EPHB1: variants seen among roughly 807,000 people sequenced by gnomAD.
EPHB1 encodes ephrin type-B receptor 1.
EPHB1 carries 30 observed loss-of-function variants against 94.4 expected under a neutral mutation model. That is an observed-to-expected ratio of 0.32 (90% CI 0.24 to 0.43). The LOEUF (loss-of-function observed/expected upper bound fraction) is 0.43. Among genes scored for constraint, EPHB1 ranks in the 20% least tolerant of loss-of-function variants. The probability of loss-of-function intolerance (pLI) is 1.00; values close to 1 mark genes in which losing one functional copy is unlikely to be tolerated. For synonymous variants in EPHB1, 522 were observed against 489.1 expected, an observed-to-expected ratio of 1.07 and a Z score of -0.89; for missense variants, 1,055 against 1,308.3, an observed-to-expected ratio of 0.81 and a Z score of 2.99.
chr3:134,812,349 A>T lies in EPHB1; in HGVS notation c.58+16660A>T, dbSNP rs192669792. ...TATTGTTTTGCTTTTCTAAAAGCTCATAGAAATGGAATCATAGAGTATGTG... is the reference window on the plus strand; with the variant it reads ...TATTGTTTTGCTTTTCTAAAAGCTCTTAGAAATGGAATCATAGAGTATGTG... On this transcript the variant is annotated intron_variant, in intron 1 of 15. Coordinates refer to ENST00000398015, the MANE Select transcript of EPHB1 (RefSeq NM_004441.5). Among the ~76,000 whole-genome samples the T allele has an allele frequency of 5.0e-3, 769 of 152,336 alleles. 8 individuals carry two copies. Among genetic ancestry groups the T allele is most frequent in the Non-Finnish European group, 7.3e-3 (497 of 68,028 alleles).
intron 3 of EPHB1, among the ~76,000 whole-genome samples, chr3:135,044,840 T>C (rs1033462507): frequency 1.3e-5 from 2 of 152,222 alleles, no homozygotes; most frequent in African/African-American, 4.8e-5. Context: ...TGAGTATTCC[T>C]AGCTGATGCA....
intron 3 of EPHB1, among the ~76,000 whole-genome samples, chr3:135,076,198 C>T (rs1004069452): frequency 7.0e-5 from 10 of 142,096 alleles, no homozygotes; most frequent in South Asian, 2.2e-4. Context: ...AAATTGGATT[C>T]GAGAAAAATA....
intron 10 of EPHB1, among the ~76,000 whole-genome samples, chr3:135,183,872 A>C (rs1425697420): frequency 6.6e-6 from 1 of 152,230 alleles, no homozygotes; most frequent in Non-Finnish European, 1.5e-5. Flanking sequence ...ATTTTATCCC[A>C]TAGAAAATAG....
chr3:135,104,327 G>T (rs1395509266), intron 3 of EPHB1, among the ~76,000 whole-genome samples: 1 of 152,252 alleles, frequency 6.6e-6, no homozygotes, highest in Non-Finnish European at 1.5e-5. Flanking sequence ...AGTGGGCTGG[G>T]AAAGATGGAT....
At chr3:135,216,726 GAAA>G (rs386397987) in intron 12 of EPHB1, among the ~76,000 whole-genome samples, 4,534 of 104,952 alleles carry the variant, frequency 0.043, 111 homozygotes, top group African/African-American at 0.079. Flanking sequence ...CTGTCTCAGG[GAAA>G]AAAAAAAAAA....
chr3:135,176,189 G>A (rs116335570), intron 9 of EPHB1, among the ~76,000 whole-genome samples: 240 of 152,130 alleles, frequency 1.6e-3, no homozygotes, highest in Admixed American at 2.6e-3. Flanking sequence ...TCACTCTCCT[G>A]ATTTAGAACA....
chr3:135,206,830 C>A (rs557780627), intron 12 of EPHB1, among the ~76,000 whole-genome samples: 1 of 151,974 alleles, frequency 6.6e-6, no homozygotes, highest in African/African-American at 2.4e-5. Context: ...GCCTGGGCAA[C>A]AAGAGGGGAG....
chr3:134,843,352 A>G (rs904570729), intron 1 of EPHB1, among the ~76,000 whole-genome samples: 3 of 152,180 alleles, frequency 2.0e-5, no homozygotes, highest in African/African-American at 7.2e-5. Context: ...TGATGTATCT[A>G]GTTGGGAATC....
At chr3:134,889,819 C>G (rs929552273) in intron 1 of EPHB1, among the ~76,000 whole-genome samples, 23 of 151,800 alleles carry the variant, frequency 1.5e-4, no homozygotes, top group African/African-American at 5.3e-4. Context: ...CTGGGACTAC[C>G]GGTGCCCGCC....
chr3:134,981,622 CT>C (rs1235866389), intron 3 of EPHB1, among the ~76,000 whole-genome samples: 35 of 152,302 alleles, frequency 2.3e-4, no homozygotes, highest in African/African-American at 7.9e-4. Context: ...TGCTGTCATT[CT>C]TTTTTTCTTC....
intron 13 of EPHB1, among the ~76,000 whole-genome samples, chr3:135,243,868 A>G (rs1205058497): frequency 1.3e-5 from 2 of 152,164 alleles, no homozygotes; most frequent in Non-Finnish European, 2.9e-5. Flanking sequence ...TGAGAGTGGC[A>G]GTGTCTGTGG....
At chr3:134,843,503 T>C (rs2108297174) in intron 1 of EPHB1, among the ~76,000 whole-genome samples, 1 of 152,310 alleles carries the variant, frequency 6.6e-6, no homozygotes, top group South Asian at 2.1e-4. Context: ...CTGGAAGTTT[T>C]TTTATCACAT....
At chr3:134,977,916 T>C in intron 3 of EPHB1, 2 of 453,252 alleles carry the variant, frequency 4.4e-6, no homozygotes, top group Non-Finnish European at 8.9e-6. Flanking sequence ...AAGGAGAGAA[T>C]GGAAGGAGGC....
intron 2 of EPHB1, among the ~76,000 whole-genome samples, chr3:134,931,919 ATG>A (rs1209692173): frequency 2.0e-5 from 3 of 152,002 alleles, no homozygotes. Flanking sequence ...ATATATGTAT[ATG>A]TGTGTATATG....
intron 3 of EPHB1, among the ~76,000 whole-genome samples, chr3:135,079,627 T>C (rs1247656627): frequency 6.6e-6 from 1 of 152,180 alleles, no homozygotes; most frequent in African/African-American, 2.4e-5. Flanking sequence ...CTGAGCTCCC[T>C]CGTGGCAGCT....
intron 3 of EPHB1, among the ~76,000 whole-genome samples, chr3:135,067,146 T>A (rs1389320125): frequency 7.2e-5 from 11 of 152,122 alleles, no homozygotes; most frequent in Admixed American, 7.2e-4. Flanking sequence ...GGTTTAATGT[T>A]CTATTTTTGT....
intron 3 of EPHB1, among the ~76,000 whole-genome samples, chr3:135,084,168 C>A (rs192323911): frequency 6.6e-6 from 1 of 152,032 alleles, no homozygotes; most frequent in Non-Finnish European, 1.5e-5. Flanking sequence ...TGTGAAAAAG[C>A]GACAGTTTAT....
intron 3 of EPHB1, among the ~76,000 whole-genome samples, chr3:135,010,317 G>A (rs1334760015): frequency 4.6e-5 from 7 of 151,870 alleles, no homozygotes; most frequent in Non-Finnish European, 8.8e-5. Context: ...GATTTCTTAT[G>A]TTACTACTTT....
At chr3:135,241,853 T>G (rs911126665) in intron 13 of EPHB1, among the ~76,000 whole-genome samples, 1 of 152,090 alleles carries the variant, frequency 6.6e-6, no homozygotes, top group African/African-American at 2.4e-5. Context: ...ATATCACCTA[T>G]CAGTGAAGGA....
Sources: allele counts gnomAD v4.1 joint callset (sites outside exome capture counted in the v4.1 genomes callset), GRCh38; gene constraint gnomAD v4.1.1; transcripts MANE v1.5; gene names NCBI Gene and HGNC (gene_info 2026-07-23, HGNC 2026-07-21).